The following NLGN4X variants were observed in gnomAD, a reference collection of about 807,000 sequenced individuals.
NLGN4X encodes the protein neuroligin 4 X-linked.
A neutral mutation model predicts 40.3 loss-of-function variants in NLGN4X; 3 were observed. The ratio of observed to expected loss-of-function variants is 0.07; its 90% confidence interval spans 0.03 to 0.19. The LOEUF (loss-of-function observed/expected upper bound fraction) is 0.19, where lower values mean the gene tolerates loss of function less well. Among genes scored for constraint, NLGN4X ranks in the 10% least tolerant of loss-of-function variants. The pLI is 1.00. For synonymous variants in NLGN4X, 270 were observed against 306.8 expected (o/e 0.88, Z 1.25); for missense variants, 382 against 708.3 (o/e 0.54, Z 5.23).
chrX:6,202,082 T>C (rs963469956), intron 1 of NLGN4X, among the ~76,000 whole-genome samples: 1 of 110,314 alleles, frequency 9.1e-6, no homozygotes, highest in Non-Finnish European at 1.9e-5. Context: ...AGGAGAAAGT[T>C]ACTCAAAGCA....
chrX:6,135,704 A>T (rs2039800355), intron 2 of NLGN4X, among the ~76,000 whole-genome samples: 1 of 111,544 alleles, frequency 9.0e-6, no homozygotes. Flanking sequence ...CATAGTTGCT[A>T]GGCCAATGTG....
At chrX:6,209,453 C>T (rs929886608) in intron 1 of NLGN4X, among the ~76,000 whole-genome samples, 2 of 111,294 alleles carry the variant, frequency 1.8e-5, no homozygotes, top group Non-Finnish European at 3.8e-5. Context: ...TACCATTCAG[C>T]ATCACGCAAG....
intron 2 of NLGN4X, among the ~76,000 whole-genome samples, chrX:6,057,077 C>T (rs147605129): frequency 0.03 from 3,306 of 111,724 alleles, 130 homozygotes; most frequent in African/African-American, 0.1. Context: ...GAAAGAGGTA[C>T]GTTGTCAATG....
At chrX:6,014,558 G>A (rs2042068918) in intron 3 of NLGN4X, among the ~76,000 whole-genome samples, 1 of 111,901 alleles carries the variant, frequency 8.9e-6, no homozygotes, top group Non-Finnish European at 1.9e-5. Flanking sequence ...TCGTGAAGGA[G>A]AGAGTCATCG....
chrX:6,116,387 C>CTTTTTTTTTTTTT (rs2039294689), intron 2 of NLGN4X, among the ~76,000 whole-genome samples: 1 of 29,533 alleles, frequency 3.4e-5, no homozygotes, highest in Non-Finnish European at 6.4e-5. Flanking sequence ...TTGAACCTTT[C>CTTTTTTTTTTTTT]TTTCTTTTTT....
rs191722908 is a variant in NLGN4X at position 6,214,340 on chromosome X, C to A, written c.-306+14201G>T. 2.7e-3 allele frequency among the ~76,000 whole-genome samples: 298 copies of A among 111,312 alleles called. 1 individual carries two copies. Among genetic ancestry groups the A allele is most frequent in the Non-Finnish European group, 5.1e-3 (270 of 53,091 alleles). ...TCTCTCTCTTGGAGAGTTGACAGGG[C>A]ATATGTGAACCCTTCAATTTTACAA... On this transcript the variant is annotated intron_variant, in intron 1 of 5. Transcript: ENST00000381095.
chrX:6,121,492 G>A (rs1221221870), intron 2 of NLGN4X, among the ~76,000 whole-genome samples: 1 of 112,293 alleles, frequency 8.9e-6, no homozygotes, highest in African/African-American at 3.2e-5. Context: ...ATCCCAGGCT[G>A]TTGTGGGTCT....
At chrX:6,060,166 G>A (rs2037734989) in intron 2 of NLGN4X, among the ~76,000 whole-genome samples, 1 of 111,978 alleles carries the variant, frequency 8.9e-6, no homozygotes, top group Admixed American at 9.5e-5. Context: ...TGGGAAAAAG[G>A]TAACTGATTT....
intron 5 of NLGN4X, among the ~76,000 whole-genome samples, chrX:5,899,004 C>T (rs181221656): frequency 9.3e-4 from 104 of 112,247 alleles, no homozygotes; most frequent in African/African-American, 3.2e-3. Flanking sequence ...TGACGAATAC[C>T]TAGCTCACCA....
intron 3 of NLGN4X, among the ~76,000 whole-genome samples, chrX:6,016,485 G>A (rs987497535): frequency 8.9e-6 from 1 of 112,229 alleles, no homozygotes; most frequent in African/African-American, 3.2e-5. Context: ...GAGTGAGGAT[G>A]TGGAGAAGTT....
chrX:5,904,712 G>A (rs965707297), intron 4 of NLGN4X, among the ~76,000 whole-genome samples: 1 of 111,898 alleles, frequency 8.9e-6, no homozygotes, highest in Non-Finnish European at 1.9e-5. Flanking sequence ...ACTACGATAG[G>A]ACAAGAGAGG....
intron 1 of NLGN4X, among the ~76,000 whole-genome samples, chrX:6,216,753 C>T: frequency 8.9e-6 from 1 of 112,100 alleles, no homozygotes; most frequent in Non-Finnish European, 1.9e-5. Context: ...AATAGAATAA[C>T]ACCAATCAAA....
At position 6,146,007 on chromosome X, in the gene NLGN4X, C is replaced by T. The variant is rs371318092; in HGVS notation, c.472+4988G>A. 1.1e-4 allele frequency among the ~76,000 whole-genome samples: 12 copies of T among 109,382 alleles called. No individual in the cohort carries two copies. The East Asian group carries it at 2.6e-3, about 24-fold the overall frequency. 95.0% of individuals were successfully genotyped at this position (109,382 alleles called of 115,157 possible). ...GAGTGCACCTGTAGTCCCAGCTACT[C>T]AGGAAGCTGAGATGGAAGGATCCCT... On this transcript the variant is annotated intron_variant, in intron 2 of 5. Coordinates refer to ENST00000381095, the MANE Select transcript of NLGN4X (RefSeq NM_181332.3).
intron 3 of NLGN4X, among the ~76,000 whole-genome samples, chrX:6,003,042 C>T (rs964979969): frequency 2.7e-5 from 3 of 111,552 alleles, no homozygotes; most frequent in Admixed American, 9.5e-5. Flanking sequence ...TCAATTTGTT[C>T]GTGTGACCTG....
At chrX:6,164,854 C>T (rs951787891) in intron 1 of NLGN4X, among the ~76,000 whole-genome samples, 3 of 111,544 alleles carry the variant, frequency 2.7e-5, no homozygotes, top group Non-Finnish European at 3.8e-5. Context: ...GTTCCTATTT[C>T]GGTGTGATGC....
chrX:6,127,476 G>A (rs2039583180), intron 2 of NLGN4X, among the ~76,000 whole-genome samples: 1 of 112,232 alleles, frequency 8.9e-6, no homozygotes, highest in Non-Finnish European at 1.9e-5. Context: ...GGGCGTGGTG[G>A]CGTGTGCCTG....
Position 6,084,463 on chromosome X carries a change from G to A in NLGN4X, c.473-55031C>T, listed in dbSNP as rs760702636. On this transcript the variant is annotated intron_variant, in intron 2 of 5. Transcript: ENST00000381095. ...ACTTGGGAGGTGGAAAACTGTCCCA[G>A]ATTCTGGAAGACAGGAGAGTTATAC... Among the ~76,000 whole-genome samples, 3 of 111,475 alleles carry A rather than the reference G, an allele frequency of 2.7e-5. No individual in the cohort carries two copies. The East Asian group carries it at 8.6e-4, about 32-fold the overall frequency.
At chrX:5,978,272 T>TTTTCTTTCTTTCTTTCTTTC (rs780650966) in intron 3 of NLGN4X, among the ~76,000 whole-genome samples, 2 of 20,328 alleles carry the variant, frequency 9.8e-5, no homozygotes, top group Admixed American at 5.4e-4. Flanking sequence ...GCGTCTCTTT[T>TTTTCTTTCTTTCTTTCTTTC]TTTCTTTCTT....
intron 3 of NLGN4X, among the ~76,000 whole-genome samples, chrX:6,017,978 C>T (rs973350918): frequency 8.0e-5 from 9 of 111,818 alleles, no homozygotes; most frequent in Non-Finnish European, 1.7e-4. Flanking sequence ...CTTACATTTA[C>T]AACGGGTTTA....
Sources: allele counts gnomAD v4.1 joint callset (sites outside exome capture counted in the v4.1 genomes callset), GRCh38; gene constraint gnomAD v4.1.1; transcripts MANE v1.5; gene names NCBI Gene and HGNC (gene_info 2026-07-23, HGNC 2026-07-21).